MICAL2: variants seen among roughly 807,000 people sequenced by gnomAD.
MICAL2 encodes microtubule associated monooxygenase, calponin and LIM domain containing 2.
MICAL2 carries 77 observed loss-of-function variants against 127.3 expected under a neutral mutation model. The ratio of observed to expected loss-of-function variants is 0.60; its 90% CI spans 0.50 to 0.73. The LOEUF (loss-of-function observed/expected upper bound fraction) is 0.73, where lower values mean the gene tolerates loss of function less well. MICAL2 is among the 30% of genes least tolerant of loss of function. MICAL2 has a pLI of 0.00. For missense variants in MICAL2, 1,351 were observed against 1,434.4 expected (o/e 0.94, Z 0.94); for synonymous variants, 570 against 551.1 (o/e 1.03, Z -0.48).
chr11:12,148,364 A>G (rs1853184089), intron 2 of MICAL2, among the ~76,000 whole-genome samples: 1 of 152,122 alleles, frequency 6.6e-6, no homozygotes, highest in Non-Finnish European at 1.5e-5. Context: ...AACAAGGAAG[A>G]GAGGGCTGCA....
intron 3 of MICAL2, among the ~76,000 whole-genome samples, chr11:12,195,269 A>G (rs575198659): frequency 6.6e-6 from 1 of 151,362 alleles, no homozygotes; most frequent in Non-Finnish European, 1.5e-5. Flanking sequence ...AAAACCAAAC[A>G]AAACCAAAAC....
intron 4 of MICAL2, among the ~76,000 whole-genome samples, chr11:12,207,549 G>A (rs1191500412): frequency 5.3e-5 from 8 of 152,188 alleles, no homozygotes; most frequent in Admixed American, 5.2e-4. Flanking sequence ...CCTCACCACT[G>A]GATGTCTAAG....
intron 2 of MICAL2, among the ~76,000 whole-genome samples, chr11:12,143,970 A>C (rs1250122076): frequency 6.6e-6 from 1 of 151,712 alleles, no homozygotes; most frequent in Non-Finnish European, 1.5e-5. Flanking sequence ...AGCGCCAGGA[A>C]CTCTTGTCTC....
Position 12,255,745 on chromosome 11 carries a change from G to C in MICAL2, c.2950G>C (p.Asp984His). The C allele has an allele frequency of 1.2e-6, 2 of 1,612,466 alleles. No homozygotes were observed. Among genetic ancestry groups the C allele is most frequent in the Non-Finnish European group, 1.7e-6 (2 of 1,179,152 alleles). Residue 984 changes from aspartate (D) to histidine (H), a missense_variant, in exon 23 of 28, where the codon GAC becomes CAC. Asp to His is a moderately conservative substitution (Grantham distance 81). Around this residue, in one of 2 missense-constraint regions of MICAL2, gnomAD observed 752 missense variants for 719.4 expected, o/e 1.05. Coordinates refer to ENST00000683283, the MANE Select transcript of MICAL2 (RefSeq NM_001282663.2). ...HRPKAQATSPDLESMRKSFPL... is the reference protein window; with the variant it reads ...HRPKAQATSPHLESMRKSFPL... ...ACCTAAGGCCCAGGCCACCTCTCCA[G>C]ACCTGGTAAGGACATGCACCCCCAG... is the stretch of plus-strand genomic sequence containing the variant.
chr11:12,123,864 C>T (rs1013495158), intron 1 of MICAL2, among the ~76,000 whole-genome samples: 1 of 152,108 alleles, frequency 6.6e-6, no homozygotes, highest in African/African-American at 2.4e-5. Context: ...TCTTTTTATA[C>T]AGCGAAGGCA....
At chr11:12,112,734 A>G (rs139261230) in intron 1 of MICAL2, among the ~76,000 whole-genome samples, 33 of 152,142 alleles carry the variant, frequency 2.2e-4, no homozygotes, top group African/African-American at 7.0e-4. Flanking sequence ...CATGATTTTC[A>G]TGACTTATTT....
At chr11:12,123,343 G>A (rs1463736134) in intron 1 of MICAL2, among the ~76,000 whole-genome samples, 1 of 152,100 alleles carries the variant, frequency 6.6e-6, no homozygotes, top group Non-Finnish European at 1.5e-5. Flanking sequence ...ATGGTTTTCT[G>A]ACTCACTGTT....
At chr11:12,264,534 C>T (rs1464103597), downstream of MICAL2, among the ~76,000 whole-genome samples, 1 of 151,928 alleles carries the variant, frequency 6.6e-6, no homozygotes, top group Admixed American at 6.5e-5. Flanking sequence ...GGTGGGATGC[C>T]TGCCATTTCC....
chr11:12,343,827 G>GA (rs1333924025), intron 32 of MICAL2, among the ~76,000 whole-genome samples: 1 of 152,126 alleles, frequency 6.6e-6, no homozygotes, highest in Non-Finnish European at 1.5e-5. Context: ...CTCTATCAAG[G>GA]AAAAACGATC....
At position 12,194,378 on chromosome 11, in the gene MICAL2, A is replaced by T. The variant is rs530294168; in HGVS notation, c.265-9872A>T. The stretch of plus-strand genomic sequence containing the variant: ...ATAACAGGCCTGGCATGTAGTAAAG[A>T]GTGTTAGCTATTATTATTGCAGTGC... On this transcript the variant is annotated intron_variant, in intron 3 of 27. Coordinates refer to ENST00000683283, the MANE Select transcript of MICAL2 (RefSeq NM_001282663.2). 5.9e-5 allele frequency among the ~76,000 whole-genome samples: 9 copies of T among 152,322 alleles called. No individual in the cohort carries two copies. The South Asian group carries it at 1.9e-3, about 32-fold the overall frequency.
chr11:12,171,380 T>G (rs185640112), intron 3 of MICAL2, among the ~76,000 whole-genome samples: 97 of 152,332 alleles, frequency 6.4e-4, no homozygotes, highest in Admixed American at 8.5e-4. Context: ...CTTCCCAGAC[T>G]AAAAGGTAAA....
Position 12,112,547 on chromosome 11 carries a change from G to T in MICAL2, c.-149+1821G>T, listed in dbSNP as rs1849689312. On this transcript the variant is annotated intron_variant, in intron 1 of 27. Transcript: ENST00000683283. ...CTGATTCTAGTTTCGTGGGGCTTTT[G>T]GGGGTGGGGGGGCAGGTGTTGGGGT... is the stretch of plus-strand genomic sequence containing the variant. 3.3e-5 allele frequency among the ~76,000 whole-genome samples: 5 copies of T among 151,642 alleles called. No homozygotes were observed. The South Asian group carries it at 1.0e-3, about 32-fold the overall frequency.
At chr11:12,178,176 G>C (rs760709937) in intron 3 of MICAL2, among the ~76,000 whole-genome samples, 1 of 152,160 alleles carries the variant, frequency 6.6e-6, no homozygotes, top group Non-Finnish European at 1.5e-5. Flanking sequence ...AAAAGGACTG[G>C]GTTCAGGGAT....
At chr11:12,276,112 C>A (rs2706648) in exon 1 of MICAL2, 34,626 of 399,178 alleles carry the variant, frequency 0.087, 1,628 homozygotes, top group Middle Eastern at 0.14. Flanking sequence ...GGGGAGGAAG[C>A]AGCTGGACAG....
chr11:12,330,883 CAG>C (rs1201995121), intron 32 of MICAL2, among the ~76,000 whole-genome samples: 1,791 of 112,802 alleles, frequency 0.016, 31 homozygotes, highest in African/African-American at 0.056. Context: ...GAGAGAGAGA[CAG>C]AGAGAGAGAG....
At chr11:12,116,157 T>A (rs1488056359) in intron 1 of MICAL2, among the ~76,000 whole-genome samples, 12 of 151,826 alleles carry the variant, frequency 7.9e-5, no homozygotes, top group Admixed American at 1.3e-4. Flanking sequence ...TTTTTGTATT[T>A]TTAGTAGAGA....
intron 3 of MICAL2, among the ~76,000 whole-genome samples, chr11:12,183,287 A>C (rs1857719618): frequency 6.6e-6 from 1 of 151,846 alleles, no homozygotes; most frequent in Admixed American, 6.6e-5. Flanking sequence ...CCTTGGAATC[A>C]TGCTCTATTT....
At chr11:12,197,197 T>C (rs779491524) in intron 3 of MICAL2, among the ~76,000 whole-genome samples, 1 of 152,230 alleles carries the variant, frequency 6.6e-6, no homozygotes, top group African/African-American at 2.4e-5. Flanking sequence ...TATGGAAACC[T>C]GGAAGGATTA....
intron 32 of MICAL2, among the ~76,000 whole-genome samples, chr11:12,344,731 C>T (rs1938926192): frequency 6.7e-6 from 1 of 150,170 alleles, no homozygotes; most frequent in African/African-American, 2.4e-5. Flanking sequence ...GAACTCCTGA[C>T]CCCAGATGAT....
Sources: allele counts gnomAD v4.1 joint callset (sites outside exome capture counted in the v4.1 genomes callset), GRCh38; gene constraint gnomAD v4.1.1; regional missense constraint gnomAD v4.1.1; transcripts MANE v1.5; gene names NCBI Gene and HGNC (gene_info 2026-07-23, HGNC 2026-07-21).